DLG2: variants seen among roughly 807,000 people sequenced by gnomAD.
DLG2 encodes the protein discs large MAGUK scaffold protein 2.
In DLG2, 45 loss-of-function variants were observed where a neutral mutation model predicts 132.5. The ratio of observed to expected loss-of-function variants is 0.34; its 90% CI spans 0.27 to 0.44. DLG2 has a LOEUF of 0.44. DLG2 is among the 20% of genes least tolerant of loss of function. The pLI, the probability that DLG2 is intolerant of heterozygous loss-of-function variation, is 1.00. For missense variants in DLG2, 1,045 were observed against 1,196.9 expected (o/e 0.87, Z 1.87); for synonymous variants, 424 against 419.6 (o/e 1.01, Z -0.13).
At chr11:84,109,938 T>C (rs1291967421) in intron 9 of DLG2, among the ~76,000 whole-genome samples, 1 of 152,222 alleles carries the variant, frequency 6.6e-6, no homozygotes, top group Admixed American at 6.5e-5. Context: ...TCAAATCTTG[T>C]TGATTCTACC....
In DLG2 at chr11:85,285,369, T is replaced by C; in HGVS notation, c.41-4A>G. On this transcript the variant is annotated splice_region_variant and splice_polypyrimidine_tract_variant and intron_variant, in intron 3 of 27. Transcript: ENST00000376104. ...ACCTCATAAAATTCTTGGATATCTG[T>C]AAAGAAAATGTAAGGAAAGCATCAA... The C allele has an allele frequency of 1.2e-6, 2 of 1,609,374 alleles. No homozygotes were observed. The highest frequency in any genetic ancestry group is 1.7e-6 in the Non-Finnish European group (2 of 1,177,510).
intron 6 of DLG2, among the ~76,000 whole-genome samples, chr11:84,556,311 T>G (rs2099411851): frequency 6.6e-6 from 1 of 152,104 alleles, no homozygotes; most frequent in South Asian, 2.1e-4. Context: ...TCATCAAAAA[T>G]GCACCCCCAG....
chr11:84,057,685 A>G (rs1376949520), intron 11 of DLG2, among the ~76,000 whole-genome samples: 1 of 152,190 alleles, frequency 6.6e-6, no homozygotes, highest in Non-Finnish European at 1.5e-5. Context: ...GATAACATGC[A>G]TATGTAGCTA....
At chr11:85,351,445 A>C (rs772367061) in intron 3 of DLG2, among the ~76,000 whole-genome samples, 5 of 152,148 alleles carry the variant, frequency 3.3e-5, no homozygotes, top group Non-Finnish European at 5.9e-5. Context: ...TTCCAACACT[A>C]TGTTGAATAG....
At chr11:85,133,430 T>C (rs1371757561) in intron 5 of DLG2, among the ~76,000 whole-genome samples, 1 of 152,204 alleles carries the variant, frequency 6.6e-6, no homozygotes, top group African/African-American at 2.4e-5. Flanking sequence ...CATGTGGTAC[T>C]GCATACATCA....
At chr11:83,974,428 C>T (rs931514673) in intron 12 of DLG2, among the ~76,000 whole-genome samples, 5 of 148,258 alleles carry the variant, frequency 3.4e-5, no homozygotes, top group African/African-American at 1.2e-4. Flanking sequence ...CATAGCACAT[C>T]CTGAGTATAT....
intron 7 of DLG2, among the ~76,000 whole-genome samples, chr11:84,269,300 T>C (rs2097689105): frequency 6.6e-6 from 1 of 152,248 alleles, no homozygotes; most frequent in Non-Finnish European, 1.5e-5. Flanking sequence ...ATAAAAGGTA[T>C]TTAATAAGCA....
At chr11:85,047,523 A>G (rs756631610) in intron 6 of DLG2, among the ~76,000 whole-genome samples, 4 of 151,844 alleles carry the variant, frequency 2.6e-5, no homozygotes, top group Admixed American at 6.6e-5. Context: ...TTTAGCCTCA[A>G]TGAACATGTG....
intron 7 of DLG2, among the ~76,000 whole-genome samples, chr11:84,528,388 C>T (rs2099327697): frequency 6.6e-6 from 1 of 152,194 alleles, no homozygotes; most frequent in Non-Finnish European, 1.5e-5. Context: ...ATCACTTAGG[C>T]AGCTGGTGTG....
chr11:85,348,743 T>C (rs913331335), intron 3 of DLG2, among the ~76,000 whole-genome samples: 1 of 152,132 alleles, frequency 6.6e-6, no homozygotes, highest in South Asian at 2.1e-4. Context: ...CAGATTCTTT[T>C]GTCTACCTCA....
chr11:84,636,915 G>A (rs896337264), intron 6 of DLG2, among the ~76,000 whole-genome samples: 3 of 151,550 alleles, frequency 2.0e-5, no homozygotes, highest in African/African-American at 7.3e-5. Flanking sequence ...CTGAGTAGCT[G>A]GGATTACAGG....
intron 3 of DLG2, among the ~76,000 whole-genome samples, chr11:85,552,725 TACCCAAA>T (rs1197582743): frequency 6.6e-6 from 1 of 151,332 alleles, no homozygotes; most frequent in Non-Finnish European, 1.5e-5. Context: ...TTAAGAAAAT[TACCCAAA>T]ATCCAATACA....
intron 7 of DLG2, among the ~76,000 whole-genome samples, chr11:84,364,190 A>C (rs11233997): frequency 0.39 from 58,645 of 150,294 alleles, 16,201 homozygotes; most frequent in African/African-American, 0.79. Context: ...TTTCATTGAG[A>C]AGTGGTTTGT....
chr11:85,105,608 G>A (rs975669945), intron 6 of DLG2, among the ~76,000 whole-genome samples: 9 of 151,820 alleles, frequency 5.9e-5, no homozygotes, highest in African/African-American at 2.2e-4. Context: ...TAATCCCACT[G>A]CCCACCAATT....
chr11:84,806,057 C>A (rs904838302), intron 6 of DLG2, among the ~76,000 whole-genome samples: 5 of 152,068 alleles, frequency 3.3e-5, no homozygotes, highest in African/African-American at 1.2e-4. Context: ...ATACAAAACT[C>A]CATGGATGGG....
rs2098484483 is a variant in DLG2, at chr11:84,336,329, C to G, written c.520-85038G>C. On this transcript the variant is annotated intron_variant, in intron 7 of 27. Coordinates refer to ENST00000376104, the MANE Select transcript of DLG2 (RefSeq NM_001142699.3). ...TTCTCTAGCTTCATCTCTCCCTGTTCCCCAATCTTCTACTGCAAGCCCAGT... is the reference window on the plus strand; with the variant it reads ...TTCTCTAGCTTCATCTCTCCCTGTTGCCCAATCTTCTACTGCAAGCCCAGT... 2.6e-5 allele frequency among the ~76,000 whole-genome samples: 4 copies of G among 152,184 alleles called. No individual in the cohort carries two copies. In the South Asian group the frequency reaches 8.3e-4, roughly 31 times the overall value.
At chr11:83,743,648 G>C (rs2092705545) in intron 18 of DLG2, among the ~76,000 whole-genome samples, 1 of 151,850 alleles carries the variant, frequency 6.6e-6, no homozygotes, top group South Asian at 2.1e-4. Flanking sequence ...TGCCCAGGCT[G>C]GTCTTAAACT....
chr11:83,906,053 G>GTCTCTCTC (rs57799505), intron 15 of DLG2, among the ~76,000 whole-genome samples: 20 of 128,798 alleles, frequency 1.6e-4, no homozygotes, highest in Admixed American at 4.1e-4. Flanking sequence ...CTGTCTGTCT[G>GTCTCTCTC]TCTCTCTCTC....
intron 22 of DLG2, among the ~76,000 whole-genome samples, chr11:83,475,157 A>T (rs575045419): frequency 1.3e-5 from 2 of 152,274 alleles, no homozygotes; most frequent in Non-Finnish European, 2.9e-5. Context: ...GCCTGTGGGG[A>T]AACCCGTGGA....
Sources: gnomAD v4.1 joint callset for allele counts (sites outside exome capture counted in the v4.1 genomes callset) on GRCh38, gnomAD v4.1.1 for gene constraint, MANE v1.5 for transcripts, NCBI Gene and HGNC (gene_info 2026-07-23, HGNC 2026-07-21) for gene names.